Variants in OSBPL6 observed in about 807,000 individuals in gnomAD.
OSBPL6 encodes oxysterol-binding protein-related protein 6.
A neutral mutation model predicts 125.8 loss-of-function variants in OSBPL6; 49 were observed. That is an observed-to-expected ratio of 0.39 (90% CI 0.31 to 0.49). OSBPL6 has a LOEUF of 0.49. Ranked by LOEUF, OSBPL6 falls within the 20% of genes least tolerant of loss-of-function variation. The pLI is 0.88. For synonymous variants in OSBPL6, 394 were observed against 391.8 expected, an observed-to-expected ratio of 1.01 and a Z score of -0.07; for missense variants, 986 against 1,135.4, an observed-to-expected ratio of 0.87 and a Z score of 1.89.
In OSBPL6 at chr2:178,398,083, C is replaced by G. The variant is rs775826283; in HGVS notation, c.*2524C>G. 1 of 152,148 alleles carries G rather than the reference C, an allele frequency of 6.6e-6. No individual in the cohort carries two copies. Among genetic ancestry groups the G allele is most frequent in the African/African-American group, 2.4e-5 (1 of 41,424 alleles). 9.4% of individuals were successfully genotyped at this position (152,148 alleles called of 1,614,324 possible). On this transcript the variant is annotated 3_prime_UTR_variant, in exon 25 of 25. Coordinates refer to ENST00000190611, the MANE Select transcript of OSBPL6 (RefSeq NM_032523.4). Reference sequence around the variant, plus strand: ...GTGGAATATTCATTGGTGCGATGGCCTCATCCCCTTTTTTACTTTTTATTG... The same window carrying G: ...GTGGAATATTCATTGGTGCGATGGCGTCATCCCCTTTTTTACTTTTTATTG...
At chr2:178,346,359 T>C (rs1331933440) in intron 11 of OSBPL6, among the ~76,000 whole-genome samples, 1 of 152,204 alleles carries the variant, frequency 6.6e-6, no homozygotes, top group Non-Finnish European at 1.5e-5. Context: ...CCTGTAAGCA[T>C]AGTATCTACC....
chr2:178,231,175 C>T (rs1017251395), intron 1 of OSBPL6, among the ~76,000 whole-genome samples: 2 of 152,092 alleles, frequency 1.3e-5, no homozygotes, highest in Non-Finnish European at 2.9e-5. Flanking sequence ...CATAGGAAGG[C>T]TTGAGCAGCG....
At chr2:178,234,491 T>G (rs1478986155) in intron 1 of OSBPL6, among the ~76,000 whole-genome samples, 2 of 152,218 alleles carry the variant, frequency 1.3e-5, no homozygotes, top group Non-Finnish European at 2.9e-5. Context: ...TGCCCAAAAA[T>G]GTACAGGGAG....
intron 11 of OSBPL6, among the ~76,000 whole-genome samples, chr2:178,343,916 A>G (rs779270631): frequency 3.3e-5 from 5 of 152,196 alleles, no homozygotes; most frequent in Non-Finnish European, 5.9e-5. Context: ...TTTTTCCTGA[A>G]CTTACTTTTT....
intron 1 of OSBPL6, among the ~76,000 whole-genome samples, chr2:178,256,974 C>T (rs775299209): frequency 2.0e-5 from 3 of 151,726 alleles, no homozygotes; most frequent in Middle Eastern, 3.2e-3. Context: ...GCCTAACAGA[C>T]AAATTTAAAA....
chr2:178,321,113 T>C (rs1028530070), intron 3 of OSBPL6, among the ~76,000 whole-genome samples: 5 of 152,330 alleles, frequency 3.3e-5, no homozygotes, highest in Admixed American at 3.3e-4. Context: ...ATTGTGTCAC[T>C]GCACTCCAGC....
intron 20 of OSBPL6, among the ~76,000 whole-genome samples, chr2:178,388,270 G>A (rs542947070): frequency 7.2e-5 from 11 of 151,988 alleles, no homozygotes; most frequent in Non-Finnish European, 1.5e-4. Context: ...GTCTTTTCCC[G>A]AAGAATTATT....
intron 1 of OSBPL6, among the ~76,000 whole-genome samples, chr2:178,204,172 T>C (rs1183573057): frequency 6.6e-6 from 1 of 151,990 alleles, no homozygotes; most frequent in African/African-American, 2.4e-5. Flanking sequence ...TACGGGTGCA[T>C]GCCACCACAC....
At chr2:178,395,281 A>G (rs1221341298) in intron 24 of OSBPL6, among the ~76,000 whole-genome samples, 170 bp from the exon 25 acceptor site, 1 of 152,170 alleles carries the variant, frequency 6.6e-6, no homozygotes, top group Non-Finnish European at 1.5e-5. Flanking sequence ...AACAACAAAA[A>G]TGACTTCACT....
Position 178,276,622 on chromosome 2 carries a change from G to A in OSBPL6, c.-350-8305G>A, listed in dbSNP as rs141688075. Among the ~76,000 whole-genome samples the A allele has an allele frequency of 1.5e-4, 23 of 151,902 alleles. No individual in the cohort carries two copies. The East Asian group carries it at 4.1e-3, about 27-fold the overall frequency. ...TCCTGACCTCAAGTGATCCATCCAC[G>A]TCGGCCTCCCAAAGTGCTGGGATTA... On this transcript the variant is annotated intron_variant, in intron 1 of 24. Transcript: ENST00000190611.
intron 1 of OSBPL6, among the ~76,000 whole-genome samples, chr2:178,228,528 C>T (rs1227045390): frequency 2.0e-5 from 3 of 152,164 alleles, no homozygotes; most frequent in East Asian, 1.9e-4. Context: ...GAGCGAGACT[C>T]CATCTCAAAA....
rs77907052 is a variant in OSBPL6 at position 178,205,390 on chromosome 2, C to T, written c.-351+10716C>T. ...AAGAAACAAGGGAGCCTGTAGTTAGCCCCAGATGATGACAGTGAGGAGTGA... is the reference window on the plus strand; with the variant it reads ...AAGAAACAAGGGAGCCTGTAGTTAGTCCCAGATGATGACAGTGAGGAGTGA... On this transcript the variant is annotated intron_variant, in intron 1 of 24. Transcript: ENST00000190611. Among the ~76,000 whole-genome samples, 1,313 of 152,174 alleles carry T rather than the reference C, an allele frequency of 8.6e-3. 31 individuals carry two copies. The highest frequency in any genetic ancestry group is 0.076 in the East Asian group (392 of 5,178).
chr2:178,301,672 T>G (rs1686302066), intron 2 of OSBPL6, among the ~76,000 whole-genome samples: 1 of 152,220 alleles, frequency 6.6e-6, no homozygotes. Context: ...TATAGTTTCA[T>G]GCATCATTGA....
At chr2:178,305,368 A>G (rs918237751) in intron 2 of OSBPL6, among the ~76,000 whole-genome samples, 3 of 152,214 alleles carry the variant, frequency 2.0e-5, no homozygotes, top group African/African-American at 7.2e-5. Context: ...CATGAATCCA[A>G]GTAAAAAAAT....
chr2:178,332,883 G>T lies in OSBPL6; in HGVS notation c.499G>T (p.Asp167Tyr). The change falls in exon 8 of 25, where the codon GAC becomes TAC. Residue 167 changes from aspartate to tyrosine, a missense_variant. Asp to Tyr is a radical substitution (Grantham distance 160, BLOSUM62 -3). Coordinates refer to ENST00000190611, the MANE Select transcript of OSBPL6 (RefSeq NM_032523.4). ...TTCATTGTTTTAGGTGAAATCCCAG[G>T]ACTGGTTTGATGCATGGGTCTCCAA... is the stretch of plus-strand genomic sequence containing the variant. The part of the protein sequence containing the change: ...HIYHLKVKSQ[D>Y]WFDAWVSKLR... 1.2e-6 allele frequency: 2 copies of T among 1,612,196 alleles called. No homozygotes were observed. Among genetic ancestry groups the T allele is most frequent in the Non-Finnish European group, 8.5e-7 (1 of 1,178,464 alleles).
intron 13 of OSBPL6, 53 bp downstream of exon 13, chr2:178,361,868 G>T: frequency 1.3e-6 from 2 of 1,598,906 alleles, no homozygotes; most frequent in South Asian, 2.2e-5. Context: ...AACCCTGTAA[G>T]ATGAAAGATC....
chr2:178,373,642 A>C (rs551675555), intron 14 of OSBPL6, among the ~76,000 whole-genome samples: 5 of 152,354 alleles, frequency 3.3e-5, no homozygotes, highest in Admixed American at 2.6e-4. Context: ...AACCTGACTC[A>C]GTATCAATCA....
rs1279604384 is a variant in OSBPL6 at position 178,205,618 on chromosome 2, T to A, written c.-351+10944T>A. On this transcript the variant is annotated intron_variant, in intron 1 of 24. Coordinates refer to ENST00000190611, the MANE Select transcript of OSBPL6 (RefSeq NM_032523.4). ...AGACAAATGGGACTTTACTGAAGGA[T>A]CTTTTCAGCAAAAACACTGTGCAGA... Among the ~76,000 whole-genome samples the A allele has an allele frequency of 6.6e-5, 10 of 152,172 alleles. No individual in the cohort carries two copies. In the East Asian group the frequency reaches 1.9e-3, roughly 29 times the overall value.
intron 1 of OSBPL6, among the ~76,000 whole-genome samples, chr2:178,261,976 G>T (rs1437654490): frequency 6.6e-6 from 1 of 152,088 alleles, no homozygotes; most frequent in African/African-American, 2.4e-5. Context: ...ATTTTTGTCA[G>T]ATTTCTCCTA....
Sources: gnomAD v4.1 joint callset for allele counts (sites outside exome capture counted in the v4.1 genomes callset) on GRCh38, gnomAD v4.1.1 for gene constraint, MANE v1.5 for transcripts, NCBI Gene and HGNC (gene_info 2026-07-23, HGNC 2026-07-21) for gene names.